PSMG2: variants seen among roughly 807,000 people sequenced by gnomAD.
PSMG2 encodes the protein proteasome assembly chaperone 2, also known as CD40 ligand-activated specific transcript 3.
A neutral mutation model predicts 31.5 loss-of-function variants in PSMG2; 21 were observed. The ratio of observed to expected loss-of-function variants is 0.67; its 90% confidence interval spans 0.47 to 0.96. The LOEUF (loss-of-function observed/expected upper bound fraction) is 0.96, where lower values mean the gene tolerates loss of function less well. Among genes scored for constraint, PSMG2 ranks in the 40% least tolerant of loss-of-function variants. The pLI is 0.00. For missense variants in PSMG2, 318 were observed against 321.2 expected (o/e 0.99, Z 0.08); for synonymous variants, 120 against 110.4 (o/e 1.09, Z -0.54).
At chr18:12,701,690 C>T (rs2040155068), upstream of PSMG2, among the ~76,000 whole-genome samples, 2 of 152,186 alleles carry the variant, frequency 1.3e-5, no homozygotes, top group Non-Finnish European at 2.9e-5. Context: ...GCTGCAGAAA[C>T]TGGAGGTTCT....
intron 1 of PSMG2, chr18:12,697,416 T>C: frequency 7.5e-6 from 12 of 1,590,064 alleles, no homozygotes; most frequent in South Asian, 1.1e-5. Context: ...CACCTAGCAA[T>C]ATAATCCAAA....
intron 1 of PSMG2, among the ~76,000 whole-genome samples, chr18:12,675,867 C>T (rs998187641): frequency 6.6e-6 from 1 of 151,908 alleles, no homozygotes; most frequent in African/African-American, 2.4e-5. Flanking sequence ...CGGGCTTTCA[C>T]CATGTTGGCC....
chr18:12,724,881 A>C (rs1035225866), intron 6 of PSMG2: 1 of 407,610 alleles, frequency 2.5e-6, no homozygotes. Flanking sequence ...ATGTTAGATT[A>C]ATTATGCCAG....
chr18:12,697,120 A>T, intron 1 of PSMG2: 1 of 808,054 alleles, frequency 1.2e-6, no homozygotes, highest in Non-Finnish European at 1.9e-6. Flanking sequence ...TCTATTTTAC[A>T]GGTTTCCCTC....
chr18:12,701,004 C>T (rs757160837), upstream of PSMG2: 3 of 1,613,698 alleles, frequency 1.9e-6, no homozygotes, highest in East Asian at 4.5e-5. Context: ...GATTCCTCGA[C>T]GTCTAAGGGC....
At chr18:12,697,483 A>G (rs951732641) in intron 1 of PSMG2, 15 of 986,806 alleles carry the variant, frequency 1.5e-5, no homozygotes, top group African/African-American at 6.7e-5. Context: ...TACTTTTATT[A>G]AACAGTAAAT....
At position 12,661,285 on chromosome 18, in the gene PSMG2, G is replaced by A. The variant is rs2038691172; in HGVS notation, c.-37+2512G>A. The A allele has an allele frequency of 4.1e-6, 3 of 740,670 alleles. No individual in the cohort carries two copies. In the Admixed American group the frequency reaches 1.9e-4, roughly 46 times the overall value. 45.9% of individuals were successfully genotyped at this position (740,670 alleles called of 1,614,324 possible). A position where few individuals can be genotyped will look rare whatever the true frequency, so the allele number is the denominator to read the frequency against. ...ATCACGCCATTGCACCCCAGCCTGG[G>A]TGACAAGAGTGAGCCTTCATCTCAA... On this transcript the variant is annotated intron_variant, in intron 1 of 6. Coordinates refer to the PSMG2 transcript ENST00000585331.
At chr18:12,674,759 A>G in intron 1 of PSMG2, 1 of 1,574,618 alleles carries the variant, frequency 6.4e-7, no homozygotes, top group Non-Finnish European at 8.6e-7. Context: ...AGATCCTATG[A>G]GCAATCAAGA....
At chr18:12,694,708 C>CTT (rs1397325257) in intron 1 of PSMG2, among the ~76,000 whole-genome samples, 2 of 144,442 alleles carry the variant, frequency 1.4e-5, no homozygotes, top group Non-Finnish European at 1.5e-5. Flanking sequence ...TCCTGTAATT[C>CTT]TTTTTTTTTT....
Position 12,688,693 on chromosome 18 carries a change from CTATT to C in PSMG2, c.-36-17854_-36-17851del, listed in dbSNP as rs552995067. ...TGAGAAAATCACTAACCATTATGAG[CTATT>C]TAAATTTTAATTAAAATTTAAAATT... On this transcript the variant is annotated intron_variant, in intron 1 of 6. Transcript: ENST00000585331. Among the ~76,000 whole-genome samples, 4 of 152,280 alleles carry C rather than the reference CTATT, an allele frequency of 2.6e-5. No homozygotes were observed. In the East Asian group the frequency reaches 5.8e-4, roughly 22 times the overall value.
intron 1 of PSMG2, chr18:12,673,241 A>C: frequency 7.0e-7 from 1 of 1,434,434 alleles, no homozygotes; most frequent in Non-Finnish European, 9.1e-7. Flanking sequence ...GTATATACAA[A>C]ATTGAAGTAT....
At chr18:12,673,315 G>C in intron 1 of PSMG2, 7 of 1,561,240 alleles carry the variant, frequency 4.5e-6, no homozygotes, top group Non-Finnish European at 6.0e-6. Context: ...AATGTACAAT[G>C]TGTAAAATTC....
intron 4 of PSMG2, among the ~76,000 whole-genome samples, chr18:12,719,066 C>G (rs1160427982): frequency 6.6e-6 from 1 of 152,072 alleles, no homozygotes; most frequent in East Asian, 1.9e-4. Context: ...TATATGCTAC[C>G]ATTTTTTAAA....
intron 1 of PSMG2, among the ~76,000 whole-genome samples, chr18:12,675,389 C>CT (rs1461543910): frequency 6.6e-6 from 1 of 151,812 alleles, no homozygotes; most frequent in Non-Finnish European, 1.5e-5. Flanking sequence ...GAGCGAGACT[C>CT]TGTCTCAAAA....
chr18:12,663,315 A>G (rs913769834), intron 1 of PSMG2: 2 of 152,212 alleles, frequency 1.3e-5, no homozygotes, highest in African/African-American at 4.8e-5. Flanking sequence ...TCTTGAGGCC[A>G]AGGCTTGAGT....
intron 1 of PSMG2, among the ~76,000 whole-genome samples, chr18:12,661,135 C>T (rs949111148): frequency 1.3e-5 from 2 of 151,670 alleles, no homozygotes; most frequent in Admixed American, 1.3e-4. Flanking sequence ...TGGCAAAAAC[C>T]TGTCTCTACT....
rs1350767837 is a variant in PSMG2 at position 12,725,547 on chromosome 18, A to G, written c.*16A>G. Reference sequence around the variant, plus strand: ...ACTTTTCTGATCTAATTTCTGTTTTATACCTTATACCCAAAACACTTACTA... The same window carrying G: ...ACTTTTCTGATCTAATTTCTGTTTTGTACCTTATACCCAAAACACTTACTA... On this transcript the variant is annotated 3_prime_UTR_variant, in exon 7 of 7. Coordinates refer to ENST00000317615, the MANE Select transcript of PSMG2 (RefSeq NM_020232.5). The G allele has an allele frequency of 4.6e-6, 7 of 1,535,844 alleles. No homozygotes were observed. Among genetic ancestry groups the G allele is most frequent in the Non-Finnish European group, 6.3e-6 (7 of 1,111,994 alleles).
chr18:12,702,672 G>T, upstream of PSMG2: 1 of 1,113,916 alleles, frequency 9.0e-7, no homozygotes, highest in Non-Finnish European at 1.2e-6. Flanking sequence ...TTCGCCTAGC[G>T]CAGCTCCCGG....
chr18:12,686,251 G>GTGTA (rs1456645047), intron 1 of PSMG2: 1 of 1,590,430 alleles, frequency 6.3e-7, no homozygotes, highest in African/African-American at 1.3e-5. Context: ...TCTATTATGT[G>GTGTA]TGTATAATAC....
Sources: allele counts gnomAD v4.1 joint callset (sites outside exome capture counted in the v4.1 genomes callset), GRCh38; gene constraint gnomAD v4.1.1; transcripts MANE v1.5; gene names NCBI Gene and HGNC (gene_info 2026-07-23, HGNC 2026-07-21).